The following MGAT4C variants were observed in gnomAD, a reference collection of about 807,000 sequenced individuals.
The protein encoded by MGAT4C is MGAT4 family member C, also known as alpha-1,3-mannosyl-glycoprotein 4-beta-N-acetylglucosaminyltransferase C.
MGAT4C carries 19 observed loss-of-function variants against 40.1 expected under a neutral mutation model. That is an observed-to-expected ratio of 0.47 (90% CI 0.33 to 0.70). The LOEUF is 0.70. Among genes scored for constraint, MGAT4C ranks in the 30% least tolerant of loss-of-function variants. MGAT4C has a pLI of 0.02. For missense variants in MGAT4C, 491 were observed against 563.2 expected, an observed-to-expected ratio of 0.87 and a Z score of 1.30; for synonymous variants, 181 against 187.1, an observed-to-expected ratio of 0.97 and a Z score of 0.27.
chr12:86,191,852 C>T (rs1158891632), intron 1 of MGAT4C, among the ~76,000 whole-genome samples: 1 of 142,316 alleles, frequency 7.0e-6, no homozygotes, highest in Non-Finnish European at 1.5e-5. Context: ...CCCAAATGTC[C>T]ATCAATGATA....
intron 1 of MGAT4C, among the ~76,000 whole-genome samples, chr12:86,752,718 A>G (rs1951245084): frequency 6.6e-6 from 1 of 152,140 alleles, no homozygotes; most frequent in African/African-American, 2.4e-5. Context: ...ACCATTAAAG[A>G]TAACAGAATA....
chr12:86,372,062 C>T (rs1442960673), intron 3 of MGAT4C, among the ~76,000 whole-genome samples: 1 of 151,300 alleles, frequency 6.6e-6, no homozygotes, highest in African/African-American at 2.4e-5. Context: ...TATACTATAT[C>T]AAATAAAATT....
chr12:86,285,429 C>T (rs78472134), intron 4 of MGAT4C, among the ~76,000 whole-genome samples: 1,728 of 152,106 alleles, frequency 0.011, 25 homozygotes, highest in African/African-American at 0.034. Context: ...ATACAGAAAA[C>T]TCATTTATAC....
intron 1 of MGAT4C, among the ~76,000 whole-genome samples, chr12:86,120,497 GC>G (rs1879199245): frequency 6.6e-6 from 1 of 152,160 alleles, no homozygotes; most frequent in Non-Finnish European, 1.5e-5. Context: ...CCCAGTAGGG[GC>G]TGACTGACAC....
chr12:86,684,401 T>C (rs1323133977), intron 2 of MGAT4C, among the ~76,000 whole-genome samples: 1 of 152,238 alleles, frequency 6.6e-6, no homozygotes, highest in Non-Finnish European at 1.5e-5. Context: ...ATGGTATATA[T>C]GTGCCACATT....
chr12:86,150,792 A>G (rs1884173994), intron 1 of MGAT4C, among the ~76,000 whole-genome samples: 1 of 152,218 alleles, frequency 6.6e-6, no homozygotes, highest in South Asian at 2.1e-4. Flanking sequence ...GCAAGGTGCA[A>G]GGAAGGAAGT....
rs187863492 is a variant in MGAT4C at position 86,362,269 on chromosome 12, T to C, written c.-119-28142A>G. 5.3e-5 allele frequency among the ~76,000 whole-genome samples: 8 copies of C among 152,222 alleles called. No homozygotes were observed. The East Asian group carries it at 1.2e-3, about 22-fold the overall frequency. ...ACCAAACACTGCATGTTCTCACTCA[T>C]AGGTGTGAATTGAACAATGAGAACA... On this transcript the variant is annotated intron_variant, in intron 3 of 7. Coordinates refer to the MGAT4C transcript ENST00000548651.
At chr12:86,600,580 G>C (rs1961730337) in intron 2 of MGAT4C, among the ~76,000 whole-genome samples, 1 of 152,186 alleles carries the variant, frequency 6.6e-6, no homozygotes, top group Admixed American at 6.5e-5. Flanking sequence ...TGGGCTCTTA[G>C]CCAGCACAAA....
chr12:86,312,909 G>A (rs1303763059), intron 4 of MGAT4C, among the ~76,000 whole-genome samples: 6 of 152,020 alleles, frequency 3.9e-5, no homozygotes, highest in Non-Finnish European at 5.9e-5. Context: ...TGGAAGAACT[G>A]AGCCCCAAGC....
Position 86,441,663 on chromosome 12 carries a change from C to CA in MGAT4C, c.-228-6399dup, listed in dbSNP as rs570766839. On this transcript the variant is annotated intron_variant, in intron 2 of 7. Transcript: ENST00000548651. ...GTTTCCAGTTTCATCCATGTCCCTA[C>CA]AAAGGACATGAACTCATCTTTTTTA... 3.2e-4 allele frequency among the ~76,000 whole-genome samples: 49 copies of CA among 152,126 alleles called. No homozygotes were observed. In the South Asian group the frequency reaches 1.0e-2, roughly 31 times the overall value.
chr12:86,348,724 A>C (rs970327788), intron 3 of MGAT4C, among the ~76,000 whole-genome samples: 1 of 152,022 alleles, frequency 6.6e-6, no homozygotes, highest in African/African-American at 2.4e-5. Context: ...AATTTTTTTA[A>C]AATATGTTTT....
chr12:86,339,287 G>C (rs771162403), intron 3 of MGAT4C, among the ~76,000 whole-genome samples: 15 of 152,082 alleles, frequency 9.9e-5, no homozygotes, highest in Non-Finnish European at 2.2e-4. Context: ...TTTAAGAGCA[G>C]GCAATGCTCA....
intron 1 of MGAT4C, among the ~76,000 whole-genome samples, chr12:86,775,552 A>T (rs1440044214): frequency 6.6e-6 from 1 of 151,558 alleles, no homozygotes; most frequent in African/African-American, 2.4e-5. Flanking sequence ...TGTCAGACAT[A>T]TGAGCAAATA....
At chr12:86,148,253 C>T (rs529904949) in intron 1 of MGAT4C, among the ~76,000 whole-genome samples, 1 of 152,246 alleles carries the variant, frequency 6.6e-6, no homozygotes, top group South Asian at 2.1e-4. Context: ...GAAATACCTG[C>T]GTGATGAAAC....
chr12:86,824,199 T>C (rs1485387040), intron 1 of MGAT4C, among the ~76,000 whole-genome samples: 1 of 151,406 alleles, frequency 6.6e-6, no homozygotes, highest in Non-Finnish European at 1.5e-5. Flanking sequence ...TTACAGTGCA[T>C]GTGTTCAAGT....
chr12:86,117,433 A>G (rs1241104196), intron 1 of MGAT4C, among the ~76,000 whole-genome samples: 1 of 152,184 alleles, frequency 6.6e-6, no homozygotes, highest in Admixed American at 6.6e-5. Flanking sequence ...CTCTTAATAC[A>G]CCACTGGAAT....
intron 2 of MGAT4C, among the ~76,000 whole-genome samples, chr12:86,483,102 T>C (rs1237483500): frequency 6.6e-6 from 1 of 152,174 alleles, no homozygotes; most frequent in Non-Finnish European, 1.5e-5. Context: ...ATATCGAGGA[T>C]GGTTAGATCC....
intron 1 of MGAT4C, among the ~76,000 whole-genome samples, chr12:86,102,633 C>T (rs969322569): frequency 2.6e-5 from 4 of 151,926 alleles, no homozygotes; most frequent in Non-Finnish European, 4.4e-5. Context: ...AGAAATCTCC[C>T]GGACAGTATC....
intron 2 of MGAT4C, among the ~76,000 whole-genome samples, chr12:86,494,504 T>C (rs1213614897): frequency 6.6e-6 from 1 of 151,692 alleles, no homozygotes; most frequent in African/African-American, 2.4e-5. Context: ...AATAATAAAA[T>C]AGTGATAATT....
Sources: gnomAD v4.1 joint callset for allele counts (sites outside exome capture counted in the v4.1 genomes callset) on GRCh38, gnomAD v4.1.1 for gene constraint, MANE v1.5 for transcripts, NCBI Gene and HGNC (gene_info 2026-07-23, HGNC 2026-07-21) for gene names.